Variants in EML4 observed in about 807,000 individuals in gnomAD.
The protein encoded by EML4 is EMAP like 4.
In EML4, 72 loss-of-function variants were observed where a neutral mutation model predicts 129.0. The ratio of observed to expected loss-of-function variants is 0.56; its 90% CI spans 0.46 to 0.68. The LOEUF (loss-of-function observed/expected upper bound fraction) is 0.68. Ranked by LOEUF, EML4 falls within the 30% of genes least tolerant of loss-of-function variation. The pLI, the probability that EML4 is intolerant of heterozygous loss-of-function variation, is 0.00. For missense variants in EML4, 1,363 were observed against 1,190.6 expected (o/e 1.14, Z -2.13); for synonymous variants, 532 against 405.0 (o/e 1.31, Z -3.77).
At chr2:42,228,409 C>A (rs1674114847) in intron 1 of EML4, among the ~76,000 whole-genome samples, 1 of 152,106 alleles carries the variant, frequency 6.6e-6, no homozygotes, top group African/African-American at 2.4e-5. Flanking sequence ...TGATAGATTT[C>A]CTCTGGGTCT....
At chr2:42,258,508 C>T (rs1478848755) in intron 3 of EML4, among the ~76,000 whole-genome samples, 1 of 152,254 alleles carries the variant, frequency 6.6e-6, no homozygotes, top group Admixed American at 6.5e-5. Context: ...TCAAGAGATT[C>T]TCCTGCTGCA....
chr2:42,318,370 T>C (rs1222712752), intron 19 of EML4, among the ~76,000 whole-genome samples: 2 of 152,222 alleles, frequency 1.3e-5, no homozygotes, highest in East Asian at 3.8e-4. Context: ...AAATTTATTT[T>C]GCTTATTATA....
At chr2:42,215,961 C>G (rs1673159996) in intron 1 of EML4, among the ~76,000 whole-genome samples, 1 of 151,854 alleles carries the variant, frequency 6.6e-6, no homozygotes, top group South Asian at 2.1e-4. Context: ...AGCTCTGTCA[C>G]CCAGGGTAGA....
chr2:42,235,064 G>C (rs1353947999), intron 1 of EML4, among the ~76,000 whole-genome samples: 1 of 152,184 alleles, frequency 6.6e-6, no homozygotes, highest in Non-Finnish European at 1.5e-5. Context: ...GGGAGGCTGA[G>C]GTGGGTGTAT....
At chr2:42,216,926 T>C (rs1010331556) in intron 1 of EML4, among the ~76,000 whole-genome samples, 2 of 152,152 alleles carry the variant, frequency 1.3e-5, no homozygotes, top group Admixed American at 1.3e-4. Context: ...AGAAACAAAG[T>C]AGTTGGAAGG....
intron 2 of EML4, among the ~76,000 whole-genome samples, chr2:42,249,868 C>G (rs568659008): frequency 7.7e-4 from 117 of 152,216 alleles, no homozygotes; most frequent in African/African-American, 2.6e-3. Flanking sequence ...AGAATTCTTT[C>G]CTTTTGACGG....
chr2:42,319,259 C>T (rs1669399966), intron 19 of EML4, among the ~76,000 whole-genome samples: 1 of 152,168 alleles, frequency 6.6e-6, no homozygotes, highest in East Asian at 1.9e-4. Context: ...TTTTTCATTT[C>T]GTGTCTTATT....
intron 1 of EML4, among the ~76,000 whole-genome samples, chr2:42,175,833 AAAG>A (rs1263453342): frequency 6.6e-6 from 1 of 152,196 alleles, no homozygotes; most frequent in Non-Finnish European, 1.5e-5. Flanking sequence ...CATAGAAAGG[AAAG>A]AAGAATAGAA....
intron 11 of EML4, among the ~76,000 whole-genome samples, chr2:42,294,010 T>C (rs1667806997): frequency 6.6e-6 from 1 of 152,230 alleles, no homozygotes; most frequent in African/African-American, 2.4e-5. Flanking sequence ...CACTAGCTAA[T>C]AATAAGGAGC....
intron 13 of EML4, among the ~76,000 whole-genome samples, chr2:42,297,492 T>A (rs576700234): frequency 2.0e-5 from 3 of 152,340 alleles, no homozygotes; most frequent in African/African-American, 7.2e-5. Context: ...AATCCAATCT[T>A]GTAAATTGCT....
chr2:42,239,726 G>T (rs145489898), intron 1 of EML4, among the ~76,000 whole-genome samples: 1,489 of 129,096 alleles, frequency 0.012, 27 homozygotes, highest in African/African-American at 0.039. Context: ...AAAGGGAGGG[G>T]ATTACCATTT....
At chr2:42,243,242 C>T (rs1020573755) in intron 1 of EML4, among the ~76,000 whole-genome samples, 1 of 152,046 alleles carries the variant, frequency 6.6e-6, no homozygotes, top group Non-Finnish European at 1.5e-5. Flanking sequence ...GCTATTCTTC[C>T]TGTGAGAAGA....
chr2:42,194,367 G>T (rs1285582485), intron 1 of EML4, among the ~76,000 whole-genome samples: 4 of 109,048 alleles, frequency 3.7e-5, no homozygotes, highest in African/African-American at 7.2e-5. Context: ...TTTTTGCACT[G>T]GATAATTTAT....
At chr2:42,306,484 C>CTT (rs375707062) in intron 17 of EML4, among the ~76,000 whole-genome samples, 3,207 of 74,552 alleles carry the variant, frequency 0.043, 640 homozygotes, top group Non-Finnish European at 0.054. Flanking sequence ...GTGCTAAATC[C>CTT]TTTTTTTTTT....
At chr2:42,309,362 T>C (rs1309369265) in intron 17 of EML4, among the ~76,000 whole-genome samples, 3 of 149,806 alleles carry the variant, frequency 2.0e-5, no homozygotes, top group Non-Finnish European at 4.4e-5. Context: ...TAGTGAGCTA[T>C]GATGGCACCA....
At position 42,301,301 on chromosome 2, in the gene EML4, A is replaced by G; in HGVS notation, c.1550A>G (p.Gln517Arg). The change falls in exon 14 of 23, where the codon CAG (glutamine) becomes CGG (arginine). Residue 517 changes from glutamine to arginine, a missense_variant. Coordinates refer to ENST00000318522, the MANE Select transcript of EML4 (RefSeq NM_019063.5). The stretch of plus-strand genomic sequence containing the variant: ...GATGGCAGTGTGTTCACACTTTGTC[A>G]GATGAGAAATGGGATGTTATTAACT... ...AHDGSVFTLC[Q>R]MRNGMLLTGG... 6.2e-7 allele frequency: 1 copy of G among 1,613,482 alleles called. No homozygotes were observed. The highest frequency in any genetic ancestry group is 8.5e-7 in the Non-Finnish European group (1 of 1,179,648).
Position 42,330,520 on chromosome 2 carries a change from T to G in EML4, c.*313T>G. 2.1e-6 allele frequency: 1 copy of G among 475,592 alleles called. No individual in the cohort carries two copies. The allele number at this position is 475,592 out of a possible 1,614,324, so 29.5% of individuals were successfully genotyped here. A position where few individuals can be genotyped will look rare whatever the true frequency, so the allele number is the denominator to read the frequency against. ...AAACAAAAACAGCAGTTGCATTGAT[T>G]TTGAAAACAAACCCCCTTGTTATCT... On this transcript the variant is annotated 3_prime_UTR_variant, in exon 23 of 23. Coordinates refer to ENST00000318522, the MANE Select transcript of EML4 (RefSeq NM_019063.5).
chr2:42,248,743 A>G (rs1364446781), intron 2 of EML4, among the ~76,000 whole-genome samples: 1 of 152,110 alleles, frequency 6.6e-6, no homozygotes, highest in East Asian at 1.9e-4. Flanking sequence ...GCTATTTTAT[A>G]ATATGCTAAG....
chr2:42,213,255 C>G (rs775890789), intron 1 of EML4, among the ~76,000 whole-genome samples: 6 of 152,180 alleles, frequency 3.9e-5, no homozygotes, highest in African/African-American at 1.4e-4. Flanking sequence ...CTGGTCACTA[C>G]TACTCCCCCT....
Sources: allele counts gnomAD v4.1 joint callset (sites outside exome capture counted in the v4.1 genomes callset), GRCh38; gene constraint gnomAD v4.1.1; transcripts MANE v1.5; gene names NCBI Gene and HGNC (gene_info 2026-07-23, HGNC 2026-07-21).